The following CNTN4 variants were observed in gnomAD, a reference collection of about 807,000 sequenced individuals.
CNTN4 encodes the protein contactin-4.
CNTN4 carries 77 observed loss-of-function variants against 122.5 expected under a neutral mutation model. That is an observed-to-expected ratio of 0.63 (90% CI 0.52 to 0.76). CNTN4 has a LOEUF of 0.76. CNTN4 is among the 30% of genes least tolerant of loss of function. The pLI is 0.00. For synonymous variants in CNTN4, 512 were observed against 447.0 expected, an observed-to-expected ratio of 1.15 and a Z score of -1.83; for missense variants, 1,256 against 1,259.1, an observed-to-expected ratio of 1.00 and a Z score of 0.04.
At chr3:2,551,654 G>C (rs1005201232) in intron 3 of CNTN4, among the ~76,000 whole-genome samples, 5 of 152,020 alleles carry the variant, frequency 3.3e-5, no homozygotes, top group African/African-American at 9.7e-5. Context: ...CAGTTTGTTA[G>C]GCATGTGAAG....
At chr3:2,949,964 C>T (rs1363507991) in intron 13 of CNTN4, among the ~76,000 whole-genome samples, 2 of 152,182 alleles carry the variant, frequency 1.3e-5, no homozygotes, top group Non-Finnish European at 2.9e-5. Context: ...TATCTTATCC[C>T]ATTTGAATAA....
intron 7 of CNTN4, among the ~76,000 whole-genome samples, chr3:2,829,941 G>T (rs2093067201): frequency 6.6e-6 from 1 of 152,038 alleles, no homozygotes; most frequent in Admixed American, 6.5e-5. Context: ...TGTTTTTACA[G>T]CTATAGCAAG....
intron 4 of CNTN4, among the ~76,000 whole-genome samples, chr3:2,622,636 T>C (rs1054896563): frequency 1.3e-5 from 2 of 152,188 alleles, no homozygotes; most frequent in African/African-American, 4.8e-5. Context: ...GGGGCAGTTA[T>C]GGAGAAATAA....
At chr3:2,306,043 A>C (rs1221340542) in intron 2 of CNTN4, among the ~76,000 whole-genome samples, 1 of 152,024 alleles carries the variant, frequency 6.6e-6, no homozygotes, top group Non-Finnish European at 1.5e-5. Context: ...CATTTGATGG[A>C]CTTTGGGGTT....
Position 2,362,177 on chromosome 3 carries a change from C to A in CNTN4, c.-89+22944C>A, listed in dbSNP as rs577193127. On this transcript the variant is annotated intron_variant, in intron 3 of 24. Coordinates refer to ENST00000418658, the MANE Select transcript of CNTN4 (RefSeq NM_175607.3). Reference sequence around the variant, plus strand: ...AGCATGAGGCAGGGCCCAGATCTATCAGGGGTCCCTATATTCCATGTAAAG... The same window carrying A: ...AGCATGAGGCAGGGCCCAGATCTATAAGGGGTCCCTATATTCCATGTAAAG... 8.6e-4 allele frequency: 142 copies of A among 164,378 alleles called. 1 individual carries two copies. Among genetic ancestry groups the A allele is most frequent in the African/African-American group, 3.4e-3 (141 of 41,766 alleles). The allele number at this position is 164,378 out of a possible 1,614,324, so 10.2% of individuals were successfully genotyped here. A position where few individuals can be genotyped will look rare whatever the true frequency, so the allele number is the denominator to read the frequency against.
At chr3:2,481,026 C>CTT (rs1559592590) in intron 3 of CNTN4, among the ~76,000 whole-genome samples, 11 of 99,290 alleles carry the variant, frequency 1.1e-4, no homozygotes, top group Non-Finnish European at 1.8e-4. Flanking sequence ...TCTTTCTTTT[C>CTT]TTTTTCTTTT....
At chr3:2,723,681 T>A (rs2088012049) in intron 4 of CNTN4, among the ~76,000 whole-genome samples, 1 of 152,232 alleles carries the variant, frequency 6.6e-6, no homozygotes, top group Non-Finnish European at 1.5e-5. Context: ...GCCTTACCTC[T>A]AAATACTGTT....
At chr3:2,926,323 TTCTAATA>T (rs1200163781) in intron 13 of CNTN4, among the ~76,000 whole-genome samples, 7 of 152,240 alleles carry the variant, frequency 4.6e-5, no homozygotes, top group Non-Finnish European at 8.8e-5. Flanking sequence ...CAGGTTTTTT[TTCTAATA>T]TCTAAACTCT....
chr3:2,125,644 T>C (rs2729012), intron 2 of CNTN4, among the ~76,000 whole-genome samples: 83,328 of 150,040 alleles, frequency 0.56, 23,366 homozygotes, highest in East Asian at 0.7. Flanking sequence ...CTGCAAGCTC[T>C]GCCTCCTGGG....
chr3:2,725,464 C>CT (rs1391792411), intron 4 of CNTN4, among the ~76,000 whole-genome samples: 2 of 152,168 alleles, frequency 1.3e-5, no homozygotes, highest in African/African-American at 4.8e-5. Flanking sequence ...ATTAGCACTG[C>CT]TTTTGGTTAA....
intron 2 of CNTN4, among the ~76,000 whole-genome samples, chr3:2,132,121 A>G (rs1257486766): frequency 6.6e-6 from 1 of 152,176 alleles, no homozygotes; most frequent in East Asian, 1.9e-4. Flanking sequence ...AGCTACTGCC[A>G]TGTAAGAAGT....
chr3:2,948,168 A>C (rs778515372), intron 13 of CNTN4, among the ~76,000 whole-genome samples: 2 of 152,206 alleles, frequency 1.3e-5, no homozygotes, highest in Non-Finnish European at 2.9e-5. Flanking sequence ...TCACTTTGTT[A>C]GAGTAGGTTC....
chr3:2,451,138 A>C (rs1040246952), intron 3 of CNTN4, among the ~76,000 whole-genome samples: 1 of 152,214 alleles, frequency 6.6e-6, no homozygotes, highest in East Asian at 1.9e-4. Context: ...TTTATTTATG[A>C]GAATAGAGAA....
At chr3:2,708,745 A>T (rs1431171683) in intron 4 of CNTN4, among the ~76,000 whole-genome samples, 2 of 30,324 alleles carry the variant, frequency 6.6e-5, no homozygotes, top group Admixed American at 9.4e-4. Flanking sequence ...ACACACACAC[A>T]CACACACACA....
chr3:2,828,300 G>A (rs1165063176), intron 7 of CNTN4, among the ~76,000 whole-genome samples: 1 of 151,952 alleles, frequency 6.6e-6, no homozygotes, highest in African/African-American at 2.4e-5. Context: ...CCTGAGAAGC[G>A]ACTTCCCTGA....
At chr3:2,822,703 A>G (rs1188313482) in intron 7 of CNTN4, among the ~76,000 whole-genome samples, 4 of 152,202 alleles carry the variant, frequency 2.6e-5, no homozygotes, top group African/African-American at 9.6e-5. Context: ...GGCAAAACAC[A>G]TGGAGTGATG....
At chr3:2,172,866 G>A (rs1466415959) in intron 2 of CNTN4, among the ~76,000 whole-genome samples, 1 of 152,130 alleles carries the variant, frequency 6.6e-6, no homozygotes, top group Admixed American at 6.5e-5. Context: ...GAGAAAGAGA[G>A]ATTGTGAAAG....
chr3:2,819,860 A>G (rs1356250897), intron 7 of CNTN4, among the ~76,000 whole-genome samples: 1 of 152,210 alleles, frequency 6.6e-6, no homozygotes, highest in Non-Finnish European at 1.5e-5. Flanking sequence ...AAGCAGTGTA[A>G]TTAAAACGAC....
At chr3:2,328,954 G>A (rs148739642) in intron 2 of CNTN4, among the ~76,000 whole-genome samples, 99 of 152,154 alleles carry the variant, frequency 6.5e-4, no homozygotes, top group African/African-American at 2.1e-3. Context: ...CATCTCTAAT[G>A]TTGTCTATTT....
Sources: allele counts gnomAD v4.1 joint callset (sites outside exome capture counted in the v4.1 genomes callset), GRCh38; gene constraint gnomAD v4.1.1; transcripts MANE v1.5; gene names NCBI Gene and HGNC (gene_info 2026-07-23, HGNC 2026-07-21).